PCCA: variants seen among roughly 807,000 people sequenced by gnomAD.
PCCA encodes the protein propionyl-CoA carboxylase alpha chain, mitochondrial.
In PCCA, 74 loss-of-function variants were observed where a neutral mutation model predicts 101.3. The ratio of observed to expected loss-of-function variants is 0.73; its 90% CI spans 0.61 to 0.89. The LOEUF is 0.89. Ranked by LOEUF, PCCA falls within the 40% of genes least tolerant of loss-of-function variation. The pLI, the probability that PCCA is intolerant of heterozygous loss-of-function variation, is 0.00. For synonymous variants in PCCA, 294 were observed against 313.6 expected, an observed-to-expected ratio of 0.94 and a Z score of 0.66; for missense variants, 891 against 907.0, an observed-to-expected ratio of 0.98 and a Z score of 0.23.
intron 19 of PCCA, among the ~76,000 whole-genome samples, chr13:100,373,160 C>T (rs1465609177): frequency 6.6e-6 from 1 of 152,174 alleles, no homozygotes; most frequent in Non-Finnish European, 1.5e-5. Flanking sequence ...AAGATATACG[C>T]ATGGCCAATA....
chr13:100,327,494 T>G (rs1384992679), intron 16 of PCCA, among the ~76,000 whole-genome samples: 2 of 152,240 alleles, frequency 1.3e-5, no homozygotes, highest in Non-Finnish European at 2.9e-5. Context: ...TTTAAATTGT[T>G]TCCAGGTTTT....
At chr13:100,145,153 C>T (rs140044294) in intron 4 of PCCA, among the ~76,000 whole-genome samples, 239 of 152,358 alleles carry the variant, frequency 1.6e-3, no homozygotes, top group African/African-American at 5.5e-3. Flanking sequence ...TGTAAGGACA[C>T]ATATGGTATA....
intron 4 of PCCA, among the ~76,000 whole-genome samples, chr13:100,134,466 A>G (rs558746079): frequency 8.5e-5 from 13 of 152,362 alleles, no homozygotes; most frequent in East Asian, 7.7e-4. Context: ...TGTTGAATCT[A>G]CATCAGTTTG....
At chr13:100,403,024 C>T (rs1016993274) in intron 19 of PCCA, among the ~76,000 whole-genome samples, 1 of 148,772 alleles carries the variant, frequency 6.7e-6, no homozygotes, top group African/African-American at 2.5e-5. Context: ...TTTAATTAAG[C>T]AACCAGAAGC....
chr13:100,482,405 G>A (rs2084013090), intron 21 of PCCA, among the ~76,000 whole-genome samples: 1 of 152,180 alleles, frequency 6.6e-6, no homozygotes, highest in Non-Finnish European at 1.5e-5. Flanking sequence ...TCCAAGAGAG[G>A]AGGGCAAAGC....
chr13:100,445,004 G>T (rs1360969564), intron 20 of PCCA, among the ~76,000 whole-genome samples: 2 of 152,174 alleles, frequency 1.3e-5, no homozygotes, highest in Admixed American at 6.5e-5. Flanking sequence ...TTTGGCTCGT[G>T]ATTCTGATGT....
intron 1 of PCCA, among the ~76,000 whole-genome samples, chr13:100,093,577 A>G (rs1445042283): frequency 6.6e-6 from 1 of 152,154 alleles, no homozygotes; most frequent in Non-Finnish European, 1.5e-5. Flanking sequence ...AAATTAAAAC[A>G]TATTCCCTAA....
At chr13:100,484,180 A>G (rs1466119079) in intron 21 of PCCA, among the ~76,000 whole-genome samples, 1 of 152,060 alleles carries the variant, frequency 6.6e-6, no homozygotes, top group East Asian at 1.9e-4. Flanking sequence ...CAGTATGACT[A>G]TAAGTAGCTC....
In PCCA at chr13:100,479,225, A is replaced by G. The variant is rs553988408; in HGVS notation, c.1899+29920A>G. 9.6e-4 allele frequency among the ~76,000 whole-genome samples: 146 copies of G among 152,358 alleles called. No homozygotes were observed. The Middle Eastern group carries it at 0.031, about 32-fold the overall frequency. On this transcript the variant is annotated intron_variant, in intron 21 of 23. Transcript: ENST00000376285. Reference sequence around the variant, plus strand: ...AAAATAAAAACCAAAATGAAAGCCCATTCATCACAGGGATGCCTAATCTTG... The same window carrying G: ...AAAATAAAAACCAAAATGAAAGCCCGTTCATCACAGGGATGCCTAATCTTG...
At chr13:100,448,574 A>C (rs1406013019) in intron 20 of PCCA, among the ~76,000 whole-genome samples, 1 of 152,200 alleles carries the variant, frequency 6.6e-6, no homozygotes, top group Non-Finnish European at 1.5e-5. Context: ...TTTTAGTAGC[A>C]GTAGTAGTTA....
At chr13:100,416,404 A>G (rs2078364464) in intron 19 of PCCA, among the ~76,000 whole-genome samples, 1 of 151,960 alleles carries the variant, frequency 6.6e-6, no homozygotes, top group Non-Finnish European at 1.5e-5. Flanking sequence ...CTAGTCTCGA[A>G]CTGTTGACCT....
chr13:100,277,646 A>G (rs540226112), intron 12 of PCCA, among the ~76,000 whole-genome samples: 49 of 152,152 alleles, frequency 3.2e-4, no homozygotes, highest in African/African-American at 1.1e-3. Flanking sequence ...CTGCTATCTC[A>G]CTTTTCCTTT....
chr13:100,168,005 G>C (rs2055231277), intron 6 of PCCA, among the ~76,000 whole-genome samples: 1 of 152,080 alleles, frequency 6.6e-6, no homozygotes, highest in African/African-American at 2.4e-5. Context: ...ATCCTGCTGA[G>C]GCCGTCTTGG....
At chr13:100,312,865 T>C (rs1436441380) in intron 16 of PCCA, among the ~76,000 whole-genome samples, 1 of 152,220 alleles carries the variant, frequency 6.6e-6, no homozygotes, top group Admixed American at 6.5e-5. Flanking sequence ...TTAAATTGTG[T>C]TGGATGAGCA....
intron 9 of PCCA, among the ~76,000 whole-genome samples, chr13:100,259,134 G>T (rs1474856169): frequency 6.6e-6 from 1 of 151,946 alleles, no homozygotes; most frequent in Non-Finnish European, 1.5e-5. Flanking sequence ...GAAGTAATTG[G>T]TTTTTACATA....
intron 16 of PCCA, among the ~76,000 whole-genome samples, chr13:100,316,119 G>A (rs1449506828): frequency 6.6e-6 from 1 of 152,080 alleles, no homozygotes; most frequent in Non-Finnish European, 1.5e-5. Context: ...AGTAGTTTCG[G>A]GAACAGTTAG....
At chr13:100,166,719 AACTAGAGGT>A (rs1208947783) in intron 6 of PCCA, among the ~76,000 whole-genome samples, 1 of 152,184 alleles carries the variant, frequency 6.6e-6, no homozygotes, top group Non-Finnish European at 1.5e-5. Context: ...TTTTAACTAC[AACTAGAGGT>A]GCTATGAACA....
chr13:100,123,335 G>A (rs185357794), intron 4 of PCCA, among the ~76,000 whole-genome samples: 81 of 152,280 alleles, frequency 5.3e-4, no homozygotes, highest in Non-Finnish European at 9.9e-4. Context: ...GATTACAGGC[G>A]TGAGCCACTG....
chr13:100,525,119 A>G (rs530343834), intron 22 of PCCA, among the ~76,000 whole-genome samples: 21 of 151,976 alleles, frequency 1.4e-4, no homozygotes, highest in Admixed American at 1.0e-3. Flanking sequence ...GGAAACAGGA[A>G]TGAAAGGCGG....
Sources: allele counts gnomAD v4.1 joint callset (sites outside exome capture counted in the v4.1 genomes callset), GRCh38; gene constraint gnomAD v4.1.1; transcripts MANE v1.5; gene names NCBI Gene and HGNC (gene_info 2026-07-23, HGNC 2026-07-21).